Variants in LRRTM4 observed in about 807,000 individuals in gnomAD.
The protein encoded by LRRTM4 is leucine-rich repeat transmembrane neuronal protein 4.
A neutral mutation model predicts 47.6 loss-of-function variants in LRRTM4; 25 were observed. That is an observed-to-expected ratio of 0.53 (90% CI 0.38 to 0.73). LRRTM4 has a LOEUF of 0.73. Ranked by LOEUF, LRRTM4 falls within the 30% of genes least tolerant of loss-of-function variation. The probability of loss-of-function intolerance (pLI) is 0.00; values close to 1 mark genes in which losing one functional copy is unlikely to be tolerated. For missense variants in LRRTM4, 638 were observed against 713.4 expected, an observed-to-expected ratio of 0.89 and a Z score of 1.20; for synonymous variants, 311 against 269.5, an observed-to-expected ratio of 1.15 and a Z score of -1.51.
At chr2:76,928,712 A>G (rs1365715456) in intron 3 of LRRTM4, among the ~76,000 whole-genome samples, 1 of 152,164 alleles carries the variant, frequency 6.6e-6, no homozygotes, top group East Asian at 1.9e-4. Flanking sequence ...CAATGTTTTC[A>G]AGCTGACAGA....
At chr2:77,299,687 A>C (rs943885125) in intron 3 of LRRTM4, among the ~76,000 whole-genome samples, 2 of 152,098 alleles carry the variant, frequency 1.3e-5, no homozygotes, top group African/African-American at 4.8e-5. Context: ...TGTAAGACAC[A>C]CTGACACTCT....
intron 3 of LRRTM4, among the ~76,000 whole-genome samples, chr2:76,828,640 T>G (rs941232199): frequency 2.0e-5 from 3 of 151,988 alleles, no homozygotes; most frequent in East Asian, 3.9e-4. Flanking sequence ...AATTTTTCTT[T>G]GTGTTTTTAG....
intron 3 of LRRTM4, among the ~76,000 whole-genome samples, chr2:77,166,787 C>T (rs963285749): frequency 1.3e-5 from 2 of 152,086 alleles, no homozygotes; most frequent in African/African-American, 4.8e-5. Flanking sequence ...CTTCCTTACA[C>T]CTTATACAAA....
At chr2:76,953,910 G>T (rs567478427) in intron 3 of LRRTM4, among the ~76,000 whole-genome samples, 1 of 151,878 alleles carries the variant, frequency 6.6e-6, no homozygotes, top group Non-Finnish European at 1.5e-5. Flanking sequence ...CAGTATCAGA[G>T]AACCTGCAAT....
chr2:77,434,444 TG>T (rs1274600539), intron 3 of LRRTM4, among the ~76,000 whole-genome samples: 1 of 123,654 alleles, frequency 8.1e-6, no homozygotes, highest in Non-Finnish European at 1.7e-5. Context: ...ACACTTGATC[TG>T]TTAAAAAAAA....
rs139115261 is a variant in LRRTM4, at chr2:77,417,767, G to A, written c.1551+100551C>T. On this transcript the variant is annotated intron_variant, in intron 3 of 3. Coordinates refer to ENST00000409884, the MANE Select transcript of LRRTM4 (RefSeq NM_001134745.3). ...ATCACACACTGGGGCCTGTTGTTGG[G>A]GGGGAAGGGGGGAGGAATAGCATTT... is the stretch of plus-strand genomic sequence containing the variant. Among the ~76,000 whole-genome samples the A allele has an allele frequency of 7.1e-3, 1,060 of 148,388 alleles. 13 individuals are homozygous for A. The highest frequency in any genetic ancestry group is 0.026 in the African/African-American group (1,009 of 38,090).
chr2:77,503,126 G>C (rs1573502077), intron 3 of LRRTM4, among the ~76,000 whole-genome samples: 1 of 151,286 alleles, frequency 6.6e-6, no homozygotes, highest in African/African-American at 2.4e-5. Context: ...AATAATGGAG[G>C]ATGTAACATG....
intron 3 of LRRTM4, among the ~76,000 whole-genome samples, chr2:77,345,122 C>G (rs1671515386): frequency 1.3e-5 from 2 of 149,736 alleles, no homozygotes; most frequent in South Asian, 4.2e-4. Flanking sequence ...TAAAAATATA[C>G]AAATAGTTTA....
At chr2:77,480,530 T>C (rs185454961) in intron 3 of LRRTM4, among the ~76,000 whole-genome samples, 72 of 152,280 alleles carry the variant, frequency 4.7e-4, no homozygotes, top group African/African-American at 1.5e-3. Context: ...AACTCGGCAT[T>C]GTGAAGGCAA....
chr2:76,932,725 GAC>G (rs1461580104), intron 3 of LRRTM4, among the ~76,000 whole-genome samples: 2 of 151,862 alleles, frequency 1.3e-5, no homozygotes, highest in East Asian at 1.9e-4. Flanking sequence ...TATATTCATA[GAC>G]ACACATGTGT....
chr2:77,243,100 G>C (rs1415357930), intron 3 of LRRTM4, among the ~76,000 whole-genome samples: 4 of 152,104 alleles, frequency 2.6e-5, no homozygotes, highest in Admixed American at 6.6e-5. Context: ...TATGGTAAGT[G>C]AAATAAGCCA....
intron 3 of LRRTM4, among the ~76,000 whole-genome samples, chr2:77,001,520 T>A (rs896395470): frequency 6.6e-6 from 1 of 152,152 alleles, no homozygotes; most frequent in East Asian, 1.9e-4. Flanking sequence ...GAATTTCTCA[T>A]TAATACTTCT....
chr2:77,059,456 C>T (rs1166888251), intron 3 of LRRTM4, among the ~76,000 whole-genome samples: 1 of 147,640 alleles, frequency 6.8e-6, no homozygotes. Context: ...TTATATTTGG[C>T]CTAGAGTCAA....
chr2:76,782,439 G>T (rs570043004), intron 3 of LRRTM4, among the ~76,000 whole-genome samples: 2 of 152,168 alleles, frequency 1.3e-5, no homozygotes, highest in South Asian at 2.1e-4. Context: ...TAAGGTTTAC[G>T]ATATTGCACT....
At chr2:77,203,424 G>A (rs1445571738) in intron 3 of LRRTM4, among the ~76,000 whole-genome samples, 2 of 152,044 alleles carry the variant, frequency 1.3e-5, no homozygotes, top group Non-Finnish European at 2.9e-5. Flanking sequence ...CATACAACTT[G>A]ACACTGAATC....
intron 3 of LRRTM4, among the ~76,000 whole-genome samples, chr2:77,407,815 A>T (rs917219435): frequency 1.3e-5 from 2 of 149,560 alleles, no homozygotes; most frequent in Non-Finnish European, 3.0e-5. Flanking sequence ...TCTCAGGGCT[A>T]TGTCAATGTC....
chr2:77,224,950 A>T (rs1674758696), intron 3 of LRRTM4, among the ~76,000 whole-genome samples: 1 of 152,088 alleles, frequency 6.6e-6, no homozygotes, highest in South Asian at 2.1e-4. Context: ...AATAGCAAAG[A>T]CTTAGAACCA....
intron 3 of LRRTM4, among the ~76,000 whole-genome samples, chr2:77,142,375 T>G (rs1251491936): frequency 6.6e-6 from 1 of 151,792 alleles, no homozygotes; most frequent in Non-Finnish European, 1.5e-5. Flanking sequence ...CTAGACTAGA[T>G]CGAAAACCTA....
chr2:77,084,330 C>T (rs1179014040), intron 3 of LRRTM4, among the ~76,000 whole-genome samples: 1 of 152,142 alleles, frequency 6.6e-6, no homozygotes, highest in Non-Finnish European at 1.5e-5. Flanking sequence ...AAGACCATAG[C>T]TGGCACTGAA....
Sources: gnomAD v4.1 joint callset for allele counts (sites outside exome capture counted in the v4.1 genomes callset) on GRCh38, gnomAD v4.1.1 for gene constraint, MANE v1.5 for transcripts, NCBI Gene and HGNC (gene_info 2026-07-23, HGNC 2026-07-21) for gene names.